Variants in USH2A observed in about 807,000 individuals in gnomAD.
The protein encoded by USH2A is Usher syndrome 2A (autosomal recessive, mild).
A neutral mutation model predicts 538.9 loss-of-function variants in USH2A; 443 were observed. The observed-to-expected ratio is 0.82, with a 90% CI of 0.76 to 0.89. The LOEUF (loss-of-function observed/expected upper bound fraction) is 0.89. USH2A is among the 40% of genes least tolerant of loss of function. The pLI, the probability that USH2A is intolerant of heterozygous loss-of-function variation, is 0.00. For missense variants in USH2A, 6,633 were observed against 6,324.8 expected, an observed-to-expected ratio of 1.05 and a Z score of -1.65; for synonymous variants, 2,413 against 2,273.5, an observed-to-expected ratio of 1.06 and a Z score of -1.75.
At chr1:215,901,005 G>A in intron 38 of USH2A, 100 bp from the exon 39 acceptor site, 5 of 1,423,436 alleles carry the variant, frequency 3.5e-6, no homozygotes, top group Non-Finnish European at 4.9e-6. Flanking sequence ...TGTTCCTCAG[G>A]ATCAACAACA....
In USH2A at chr1:215,671,063, G is replaced by A; in HGVS notation, c.14042C>T (p.Pro4681Leu). ...GATTAGGACTGGATTGGATTTTCTA[G>A]GCTGAGTTGCTATTTGTCTTCTGTA... ...ELYRRQIATQ[P>L]RKSNPVLIYN... The change falls in exon 64 of 72, where the codon CCT becomes CTT. Residue 4681 changes from proline to leucine, a missense_variant. Pro to Leu is a moderately conservative substitution (Grantham distance 98). Coordinates refer to ENST00000307340, the MANE Select transcript of USH2A (RefSeq NM_206933.4). 1 of 1,614,144 alleles carries A rather than the reference G, an allele frequency of 6.2e-7. No individual in the cohort carries two copies. Among genetic ancestry groups the A allele is most frequent in the South Asian group, 1.1e-5 (1 of 91,086 alleles).
intron 12 of USH2A, 30 bp from the exon 13 acceptor site, chr1:216,247,256 G>A: frequency 1.2e-6 from 2 of 1,611,790 alleles, no homozygotes; most frequent in Non-Finnish European, 1.7e-6. Context: ...AAAAGGTGAG[G>A]ATGGGAAAAT....
chr1:216,242,520 T>C (rs1486171759), intron 13 of USH2A, among the ~76,000 whole-genome samples: 1 of 151,994 alleles, frequency 6.6e-6, no homozygotes, highest in Non-Finnish European at 1.5e-5. Flanking sequence ...GCACTTATGA[T>C]CTTAAATGAG....
intron 20 of USH2A, among the ~76,000 whole-genome samples, chr1:216,179,988 C>T (rs2034461619): frequency 6.6e-6 from 1 of 152,066 alleles, no homozygotes. Flanking sequence ...TATCTGCTCC[C>T]ACTTTCCCAT....
intron 32 of USH2A, among the ~76,000 whole-genome samples, chr1:216,017,888 T>C (rs1338492733): frequency 6.6e-6 from 1 of 152,176 alleles, no homozygotes; most frequent in Non-Finnish European, 1.5e-5. Flanking sequence ...CTACGCCTTA[T>C]ATAGCATAAG....
intron 51 of USH2A, among the ~76,000 whole-genome samples, chr1:215,788,715 T>C (rs571677434): frequency 6.6e-6 from 1 of 152,220 alleles, no homozygotes; most frequent in Non-Finnish European, 1.5e-5. Context: ...AAAATATTAA[T>C]GGAAGCTTAA....
chr1:215,639,365 T>C (rs769807449), intron 68 of USH2A, 127 bp from the exon 69 acceptor site: 1 of 863,190 alleles, frequency 1.2e-6, no homozygotes, highest in South Asian at 1.5e-5. Context: ...TGACGTTTTA[T>C]ATAATATTCA....
intron 11 of USH2A, among the ~76,000 whole-genome samples, chr1:216,271,394 G>A (rs913505617): frequency 1.3e-5 from 2 of 151,958 alleles, no homozygotes; most frequent in Non-Finnish European, 2.9e-5. Context: ...TGTGAGGAGG[G>A]GATTGTATGT....
intron 9 of USH2A, among the ~76,000 whole-genome samples, chr1:216,293,215 G>A (rs1050251329): frequency 6.6e-6 from 1 of 151,950 alleles, no homozygotes; most frequent in African/African-American, 2.4e-5. Flanking sequence ...TAGTAGAGAC[G>A]GGGTTTCACC....
At chr1:215,935,057 G>A (rs1479650844) in intron 37 of USH2A, among the ~76,000 whole-genome samples, 1 of 152,008 alleles carries the variant, frequency 6.6e-6, no homozygotes, top group Non-Finnish European at 1.5e-5. Flanking sequence ...TTAGATAACT[G>A]TAGGATAAAG....
chr1:216,273,352 C>A (rs1402678549), intron 11 of USH2A, among the ~76,000 whole-genome samples: 2 of 151,908 alleles, frequency 1.3e-5, no homozygotes, highest in Non-Finnish European at 2.9e-5. Context: ...ACTCACTGAC[C>A]AGGGCACACT....
At chr1:216,064,997 A>C (rs2031304188) in intron 30 of USH2A, among the ~76,000 whole-genome samples, 1 of 152,230 alleles carries the variant, frequency 6.6e-6, no homozygotes, top group African/African-American at 2.4e-5. Flanking sequence ...AAACAAAAAA[A>C]TCTCAGAGAA....
At chr1:215,884,032 C>T (rs1664986831) in intron 41 of USH2A, among the ~76,000 whole-genome samples, 1 of 151,986 alleles carries the variant, frequency 6.6e-6, no homozygotes, top group South Asian at 2.1e-4. Flanking sequence ...AACACATGGA[C>T]ACAGGGAGGG....
At chr1:215,854,814 G>A (rs564792530) in intron 44 of USH2A, among the ~76,000 whole-genome samples, 4 of 152,288 alleles carry the variant, frequency 2.6e-5, no homozygotes, top group South Asian at 2.1e-4. Context: ...CCTGGCCAGT[G>A]CCATGTTGTC....
chr1:215,911,777 AC>A (rs757841757), intron 38 of USH2A, among the ~76,000 whole-genome samples: 1 of 152,026 alleles, frequency 6.6e-6, no homozygotes, highest in South Asian at 2.1e-4. Context: ...TTTTTGAGAA[AC>A]CTCCAAATGG....
At chr1:216,175,573 A>G in intron 20 of USH2A, 91 bp from the exon 21 acceptor site, 2 of 1,185,954 alleles carry the variant, frequency 1.7e-6, no homozygotes, top group Non-Finnish European at 2.5e-6. Flanking sequence ...GTATTTGTAT[A>G]TATCACACTT....
chr1:216,369,908 G>A (rs2038669776), intron 3 of USH2A, among the ~76,000 whole-genome samples: 1 of 115,864 alleles, frequency 8.6e-6, no homozygotes, highest in Non-Finnish European at 1.8e-5. Flanking sequence ...GGGTGACAGA[G>A]TGAGACTCTG....
chr1:215,929,335 T>C (rs931376653), intron 38 of USH2A, among the ~76,000 whole-genome samples: 1 of 151,978 alleles, frequency 6.6e-6, no homozygotes, highest in African/African-American at 2.4e-5. Flanking sequence ...GATCTGGAGG[T>C]CATGGAGGAG....
chr1:215,650,971 G>A (rs1348731520), intron 64 of USH2A, among the ~76,000 whole-genome samples, 170 bp from the exon 65 acceptor site: 1 of 152,018 alleles, frequency 6.6e-6, no homozygotes, highest in Non-Finnish European at 1.5e-5. Flanking sequence ...AGAGCAAGGA[G>A]AGCAGGCTGT....
Sources: allele counts gnomAD v4.1 joint callset (sites outside exome capture counted in the v4.1 genomes callset), GRCh38; gene constraint gnomAD v4.1.1; transcripts MANE v1.5; gene names NCBI Gene and HGNC (gene_info 2026-07-23, HGNC 2026-07-21).